ZCWPW2: variants seen among roughly 807,000 people sequenced by gnomAD.
ZCWPW2 encodes zinc finger CW-type and PWWP domain containing 2.
Under a neutral mutation model 46.6 loss-of-function variants are expected in ZCWPW2, and 45 were observed. The observed-to-expected ratio is 0.96, with a 90% CI of 0.76 to 1.24. ZCWPW2 has a LOEUF of 1.24. Ranked by LOEUF, ZCWPW2 falls within the 50% of genes most tolerant of loss-of-function variation. The probability of loss-of-function intolerance (pLI) is 0.00; values close to 1 mark genes in which losing one functional copy is unlikely to be tolerated. For synonymous variants in ZCWPW2, 152 were observed against 137.1 expected (o/e 1.11, Z -0.76); for missense variants, 429 against 403.9 (o/e 1.06, Z -0.53).
chr3:28,433,720 G>T (rs1479903639), intron 3 of ZCWPW2, among the ~76,000 whole-genome samples: 1 of 150,378 alleles, frequency 6.6e-6, no homozygotes, highest in East Asian at 2.0e-4. Flanking sequence ...CACACCATTG[G>T]ACTCCAGCCT....
intron 6 of ZCWPW2, among the ~76,000 whole-genome samples, chr3:28,509,155 G>A (rs958676477): frequency 6.6e-6 from 1 of 151,926 alleles, no homozygotes; most frequent in African/African-American, 2.4e-5. Flanking sequence ...CTATATTGTG[G>A]CATGTGTCAG....
At chr3:28,408,387 C>T (rs1253546233) in intron 2 of ZCWPW2, among the ~76,000 whole-genome samples, 2 of 152,138 alleles carry the variant, frequency 1.3e-5, no homozygotes. Flanking sequence ...TAATTACTTT[C>T]TTCTTTCTGT....
chr3:28,391,057 G>C (rs1695468178), intron 2 of ZCWPW2, among the ~76,000 whole-genome samples: 1 of 152,148 alleles, frequency 6.6e-6, no homozygotes. Flanking sequence ...GTTAATGATT[G>C]ACAAGAAGCA....
chr3:28,504,418 G>C (rs552779111), intron 6 of ZCWPW2, among the ~76,000 whole-genome samples: 1 of 151,594 alleles, frequency 6.6e-6, no homozygotes, highest in African/African-American at 2.4e-5. Context: ...GAAGGTAAAT[G>C]CTTAAAGCAT....
At chr3:28,368,782 A>T (rs1705212408) in intron 1 of ZCWPW2, among the ~76,000 whole-genome samples, 2 of 152,256 alleles carry the variant, frequency 1.3e-5, no homozygotes, top group Admixed American at 1.3e-4. Flanking sequence ...TCTCCTTGTC[A>T]CTTTCAGGTA....
intron 4 of ZCWPW2, among the ~76,000 whole-genome samples, chr3:28,454,819 T>C (rs1178408214): frequency 1.3e-5 from 2 of 152,226 alleles, no homozygotes; most frequent in Non-Finnish European, 2.9e-5. Flanking sequence ...ATGATCTCAT[T>C]CCTTCTTATG....
chr3:28,498,473 A>G (rs1700054723), intron 6 of ZCWPW2, among the ~76,000 whole-genome samples: 1 of 152,100 alleles, frequency 6.6e-6, no homozygotes, highest in Admixed American at 6.6e-5. Flanking sequence ...ACATTAATAT[A>G]CAAAGCAATT....
chr3:28,398,144 G>A (rs1695779028), intron 2 of ZCWPW2: 1 of 152,252 alleles, frequency 6.6e-6, no homozygotes, highest in African/African-American at 2.4e-5. Flanking sequence ...AGATCAAGGT[G>A]ACAGCAGGTC....
intron 2 of ZCWPW2, among the ~76,000 whole-genome samples, chr3:28,399,289 G>T (rs1049431982): frequency 6.6e-6 from 1 of 152,032 alleles, no homozygotes; most frequent in Non-Finnish European, 1.5e-5. Context: ...ACCCACCCAA[G>T]GAGAGTCTGA....
intron 2 of ZCWPW2, among the ~76,000 whole-genome samples, chr3:28,411,674 G>C (rs1404031610): frequency 6.6e-6 from 1 of 152,030 alleles, no homozygotes; most frequent in African/African-American, 2.4e-5. Flanking sequence ...AGTCACTTCT[G>C]CTTTACTGAC....
chr3:28,524,626 G>C lies in ZCWPW2; in HGVS notation c.1009G>C (p.Glu337Gln), dbSNP rs776181274. The change falls in exon 10 of 10, where the codon GAA becomes CAA. Residue 337 changes from glutamate (E) to glutamine (Q), a missense_variant. Glu to Gln is a conservative substitution (Grantham distance 29, BLOSUM62 2). Coordinates refer to ENST00000383768, the MANE Select transcript of ZCWPW2 (RefSeq NM_001040432.4). ...TGATGGGATAAAATTAAAAGCTGGA[G>C]AATGTATTGAGGATATAACTAATAA... is the stretch of plus-strand genomic sequence containing the variant. ...VIDGIKLKAG[E>Q]CIEDITNKFK... The C allele has an allele frequency of 1.1e-5, 17 of 1,606,638 alleles. No homozygotes were observed. In the South Asian group the frequency reaches 1.8e-4, roughly 17 times the overall value.
chr3:28,461,098 G>A (rs1559513742), intron 4 of ZCWPW2: 1 of 176,244 alleles, frequency 5.7e-6, no homozygotes, highest in African/African-American at 2.4e-5. Context: ...AAGTATGTGT[G>A]ATTCCAGTTT....
At chr3:28,353,969 A>G (rs1704642396) in intron 1 of ZCWPW2, among the ~76,000 whole-genome samples, 1 of 152,222 alleles carries the variant, frequency 6.6e-6, no homozygotes, top group African/African-American at 2.4e-5. Context: ...GCTAATTGAG[A>G]TATGAATTTG....
chr3:28,365,117 A>G (rs1242989180), intron 1 of ZCWPW2, among the ~76,000 whole-genome samples: 1 of 151,128 alleles, frequency 6.6e-6, no homozygotes, highest in African/African-American at 2.4e-5. Flanking sequence ...CTCTGATGGT[A>G]GTTTCTTTTG....
chr3:28,401,554 A>G (rs1695937140), intron 2 of ZCWPW2, among the ~76,000 whole-genome samples: 2 of 152,300 alleles, frequency 1.3e-5, no homozygotes, highest in South Asian at 2.1e-4. Flanking sequence ...CAAAGAAACA[A>G]TGGTTTTAAA....
intron 5 of ZCWPW2, among the ~76,000 whole-genome samples, chr3:28,489,203 C>T (rs1262343985): frequency 6.6e-6 from 1 of 152,098 alleles, no homozygotes; most frequent in Admixed American, 6.6e-5. Context: ...TCTATACCAT[C>T]CAGATACATA....
chr3:28,515,656 A>G (rs1440710583), intron 8 of ZCWPW2, 35 bp downstream of exon 8: 2 of 1,554,452 alleles, frequency 1.3e-6, no homozygotes, highest in Non-Finnish European at 1.7e-6. Flanking sequence ...TAGTTCTTTA[A>G]CCTATATATA....
At chr3:28,438,729 A>G (rs2125767589) in intron 4 of ZCWPW2, among the ~76,000 whole-genome samples, 2 of 152,272 alleles carry the variant, frequency 1.3e-5, no homozygotes, top group Middle Eastern at 6.8e-3. Context: ...CTACTAGACA[A>G]ATACTTTAAA....
At chr3:28,453,635 G>A (rs1347416845) in intron 4 of ZCWPW2, among the ~76,000 whole-genome samples, 1 of 151,988 alleles carries the variant, frequency 6.6e-6, no homozygotes. Flanking sequence ...TGCCCTGAGA[G>A]TCATTTCCCT....
Sources: gnomAD v4.1 joint callset for allele counts (sites outside exome capture counted in the v4.1 genomes callset) on GRCh38, gnomAD v4.1.1 for gene constraint, MANE v1.5 for transcripts, NCBI Gene and HGNC (gene_info 2026-07-23, HGNC 2026-07-21) for gene names.